Variants in CCNY observed in about 807,000 individuals in gnomAD.
CCNY encodes cyclin Y.
Under a neutral mutation model 42.8 loss-of-function variants are expected in CCNY, and 19 were observed. That is an observed-to-expected ratio of 0.44 (90% CI 0.31 to 0.65). The LOEUF (loss-of-function observed/expected upper bound fraction) is 0.65, where lower values mean the gene tolerates loss of function less well. Among genes scored for constraint, CCNY ranks in the 30% least tolerant of loss-of-function variants. The pLI is 0.07. For synonymous variants in CCNY, 165 were observed against 162.7 expected, an observed-to-expected ratio of 1.01 and a Z score of -0.11; for missense variants, 370 against 437.3, an observed-to-expected ratio of 0.85 and a Z score of 1.37.
intron 3 of CCNY, among the ~76,000 whole-genome samples, chr10:35,317,234 TC>T (rs1246481609): frequency 1.3e-5 from 2 of 152,146 alleles, no homozygotes; most frequent in African/African-American, 4.8e-5. Flanking sequence ...CAAGTGATCC[TC>T]CCACCTTGGT....
intron 1 of CCNY, among the ~76,000 whole-genome samples, chr10:35,341,356 A>G (rs951313210): frequency 6.6e-6 from 1 of 152,134 alleles, no homozygotes; most frequent in Non-Finnish European, 1.5e-5. Context: ...GGCCTTCCCA[A>G]TCACCTTTAA....
chr10:35,503,420 TCGCTGCAAATGAG>T (rs1840151941), intron 3 of CCNY, among the ~76,000 whole-genome samples: 1 of 152,136 alleles, frequency 6.6e-6, no homozygotes, highest in South Asian at 2.1e-4. Flanking sequence ...TGAACAGACC[TCGCTGCAAATGAG>T]CGCCATCAGT....
intron 3 of CCNY, among the ~76,000 whole-genome samples, chr10:35,274,601 G>C (rs915465623): frequency 6.6e-6 from 1 of 152,146 alleles, no homozygotes; most frequent in Non-Finnish European, 1.5e-5. Context: ...TTAGCACTAG[G>C]TCATCAACAT....
intron 3 of CCNY, among the ~76,000 whole-genome samples, chr10:35,301,942 A>G (rs1342314284): frequency 7.4e-6 from 1 of 134,570 alleles, no homozygotes; most frequent in Non-Finnish European, 1.7e-5. Context: ...CTTCATTGTT[A>G]TTTTTTATTT....
At chr10:35,404,304 A>G (rs1348047706) in intron 1 of CCNY, among the ~76,000 whole-genome samples, 1 of 152,198 alleles carries the variant, frequency 6.6e-6, no homozygotes, top group Non-Finnish European at 1.5e-5. Flanking sequence ...GTTCTTGTGT[A>G]AGAATTCTGA....
At chr10:35,386,267 T>G (rs1392596740) in intron 1 of CCNY, among the ~76,000 whole-genome samples, 2 of 152,222 alleles carry the variant, frequency 1.3e-5, no homozygotes, top group Admixed American at 1.3e-4. Flanking sequence ...CTTAGCTCCC[T>G]TTAACCTTTG....
chr10:35,254,770 G>A (rs766802017), intron 3 of CCNY, among the ~76,000 whole-genome samples: 3 of 148,446 alleles, frequency 2.0e-5, no homozygotes, highest in African/African-American at 5.0e-5. Context: ...GGTTAAGGCT[G>A]CAGTGAGCTG....
chr10:35,480,866 T>C (rs1307040684), intron 1 of CCNY, among the ~76,000 whole-genome samples: 3 of 152,134 alleles, frequency 2.0e-5, no homozygotes, highest in Non-Finnish European at 4.4e-5. Flanking sequence ...CTCAGGAGGC[T>C]GAAGCAGGAG....
rs560751298 is a variant in CCNY at position 35,539,701 on chromosome 10, C to G, written c.579+9458C>G. The stretch of plus-strand genomic sequence containing the variant: ...ACTCGGGAGGCTGAGGCAGGAGAAT[C>G]GCTTGAACCCGGGAGGCAGAGGTTG... On this transcript the variant is annotated intron_variant, in intron 7 of 9. Transcript: ENST00000374704. Among the ~76,000 whole-genome samples, 8 of 152,096 alleles carry G rather than the reference C, an allele frequency of 5.3e-5. No individual in the cohort carries two copies. The South Asian group carries it at 1.7e-3, about 32-fold the overall frequency.
rs578142651 is a variant in CCNY at position 35,312,312 on chromosome 10, C to T, written c.-9+61686C>T. On this transcript the variant is annotated intron_variant, in intron 3 of 11. Transcript: ENST00000374706. ...AGGAGAATCGCTTGAGCCCAGGAGG[C>T]GGAGCTTGCAGTGAGCCGAGATTGC... 7.9e-5 allele frequency among the ~76,000 whole-genome samples: 10 copies of T among 126,478 alleles called. No individual in the cohort carries two copies. The East Asian group carries it at 1.1e-3, about 14-fold the overall frequency. The allele number at this position is 126,478 out of a possible 152,430, so 83.0% of individuals were successfully genotyped here.
At chr10:35,258,028 C>T (rs1243680874) in intron 3 of CCNY, among the ~76,000 whole-genome samples, 2 of 152,148 alleles carry the variant, frequency 1.3e-5, no homozygotes, top group African/African-American at 4.8e-5. Flanking sequence ...CTTTGAATCC[C>T]TCTAGTGAAT....
intron 1 of CCNY, among the ~76,000 whole-genome samples, chr10:35,464,563 CTT>C (rs113364772): frequency 1.3e-4 from 18 of 143,740 alleles, no homozygotes; most frequent in African/African-American, 3.3e-4. Context: ...GCCCAGTATG[CTT>C]TTTTTTTTTT....
At chr10:35,320,068 T>G (rs895983916) in intron 3 of CCNY, among the ~76,000 whole-genome samples, 1 of 152,126 alleles carries the variant, frequency 6.6e-6, no homozygotes, top group South Asian at 2.1e-4. Flanking sequence ...ATCAAATATT[T>G]AAGGAAAAAT....
At chr10:35,340,235 C>T (rs1373879713) in intron 1 of CCNY, among the ~76,000 whole-genome samples, 3 of 152,132 alleles carry the variant, frequency 2.0e-5, no homozygotes, top group Non-Finnish European at 2.9e-5. Context: ...AGCCATCAAA[C>T]GTTAGCTAGT....
At chr10:35,558,945 A>C (rs1841411970) in intron 8 of CCNY, among the ~76,000 whole-genome samples, 1 of 152,232 alleles carries the variant, frequency 6.6e-6, no homozygotes, top group Non-Finnish European at 1.5e-5. Flanking sequence ...ATACCTAAAA[A>C]TGTGGAAGTG....
intron 5 of CCNY, among the ~76,000 whole-genome samples, chr10:35,528,355 G>A (rs985871077): frequency 6.6e-6 from 1 of 152,222 alleles, no homozygotes; most frequent in African/African-American, 2.4e-5. Context: ...TGTGCTGCCT[G>A]TGTTCATGCA....
intron 1 of CCNY, among the ~76,000 whole-genome samples, chr10:35,441,044 A>G (rs1838655573): frequency 6.6e-6 from 1 of 152,114 alleles, no homozygotes; most frequent in African/African-American, 2.4e-5. Flanking sequence ...GTGATTCTAT[A>G]TTGTTAGCAC....
At chr10:35,261,580 C>T (rs924825239) in intron 3 of CCNY, among the ~76,000 whole-genome samples, 1 of 152,096 alleles carries the variant, frequency 6.6e-6, no homozygotes, top group Non-Finnish European at 1.5e-5. Flanking sequence ...TGGCTCATGC[C>T]TGTAGTCTTA....
chr10:35,547,757 T>G (rs551099089), intron 7 of CCNY, among the ~76,000 whole-genome samples: 1 of 152,272 alleles, frequency 6.6e-6, no homozygotes, highest in Admixed American at 6.5e-5. Flanking sequence ...CATGATGCAT[T>G]CAGGGAGCAC....
Sources: gnomAD v4.1 joint callset for allele counts (sites outside exome capture counted in the v4.1 genomes callset) on GRCh38, gnomAD v4.1.1 for gene constraint, MANE v1.5 for transcripts, NCBI Gene and HGNC (gene_info 2026-07-23, HGNC 2026-07-21) for gene names.